Variants in ULK4 observed in about 807,000 individuals in gnomAD.
ULK4 encodes the protein unc-51 like kinase 4, also known as inactive serine/threonine-protein kinase ULK4.
Under a neutral mutation model 160.6 loss-of-function variants are expected in ULK4, and 133 were observed. That is an observed-to-expected ratio of 0.83 (90% CI 0.72 to 0.96). The LOEUF (loss-of-function observed/expected upper bound fraction) is 0.96, where lower values mean the gene tolerates loss of function less well. Ranked by LOEUF, ULK4 falls within the 40% of genes least tolerant of loss-of-function variation. The probability of loss-of-function intolerance (pLI) is 0.00; values close to 1 mark genes in which losing one functional copy is unlikely to be tolerated. For missense variants in ULK4, 1,580 were observed against 1,499.5 expected, an observed-to-expected ratio of 1.05 and a Z score of -0.89; for synonymous variants, 534 against 539.8, an observed-to-expected ratio of 0.99 and a Z score of 0.15.
At chr3:41,452,672 A>G (rs2083448605) in intron 34 of ULK4, among the ~76,000 whole-genome samples, 1 of 152,154 alleles carries the variant, frequency 6.6e-6, no homozygotes, top group South Asian at 2.1e-4. Flanking sequence ...GTCTACAAGC[A>G]TTTTTGTCCA....
chr3:41,354,385 G>C (rs977500142), intron 35 of ULK4, among the ~76,000 whole-genome samples: 3 of 152,132 alleles, frequency 2.0e-5, no homozygotes, highest in Non-Finnish European at 4.4e-5. Context: ...AAGTGTCACT[G>C]CCCATAATTT....
rs776507100 is a variant in ULK4, at chr3:41,912,791, G to T, written c.896+16C>A. 6.2e-7 allele frequency: 1 copy of T among 1,603,330 alleles called. No individual in the cohort carries two copies. The highest frequency in any genetic ancestry group is 8.5e-7 in the Non-Finnish European group (1 of 1,170,192). The stretch of plus-strand genomic sequence containing the variant: ...CCAGTAACTATGTCCCATACACAAA[G>T]GTAAGTGTATACTACCTGAGACTGA... On this transcript the variant is annotated intron_variant, in intron 9 of 36. Transcript: ENST00000301831.
intron 35 of ULK4, among the ~76,000 whole-genome samples, chr3:41,320,655 G>C (rs1239434664): frequency 1.8e-5 from 2 of 111,072 alleles, no homozygotes; most frequent in Non-Finnish European, 3.7e-5. Flanking sequence ...AGCGGCTCAT[G>C]CCTGTAATCC....
Position 41,463,176 on chromosome 3 carries a change from CATT to C in ULK4, c.3301_3303del (p.Asn1101del), listed in dbSNP as rs747072058. 7.1e-5 allele frequency: 115 copies of C among 1,613,626 alleles called. No individual in the cohort carries two copies. Among genetic ancestry groups the C allele is most frequent in the Middle Eastern group, 1.6e-4 (1 of 6,078 alleles). The stretch of plus-strand genomic sequence containing the variant: ...GAAAAGAGCAGTGGAGCTGCCATCT[CATT>C]GTTGTTTTTATTGTCCACATCCAAG... On this transcript the variant is annotated inframe_deletion, in exon 33 of 37. Transcript: ENST00000301831.
chr3:41,902,397 G>A lies in ULK4; in HGVS notation c.1183-1568C>T, dbSNP rs111632900. 2.8e-3 allele frequency among the ~76,000 whole-genome samples: 426 copies of A among 152,132 alleles called. 2 individuals are homozygous for A. Among genetic ancestry groups the A allele is most frequent in the Middle Eastern group, 0.01 (3 of 294 alleles). On this transcript the variant is annotated intron_variant, in intron 12 of 36. Transcript: ENST00000301831. Reference sequence around the variant, plus strand: ...GTTCGAGACCAGCCTGACCAACATGGTGAAACACCATCTCTACTAAAAATA... The same window carrying A: ...GTTCGAGACCAGCCTGACCAACATGATGAAACACCATCTCTACTAAAAATA...
intron 32 of ULK4, among the ~76,000 whole-genome samples, chr3:41,506,769 T>TATATATATAA (rs1559658060): frequency 0.014 from 453 of 31,594 alleles, 61 homozygotes; most frequent in African/African-American, 0.024. Context: ...TGATTTAAAA[T>TATATATATAA]ATATATATAT....
chr3:41,892,629 A>T (rs1698006885), intron 16 of ULK4, among the ~76,000 whole-genome samples: 1 of 152,242 alleles, frequency 6.6e-6, no homozygotes, highest in African/African-American at 2.4e-5. Context: ...ATAAACGTAG[A>T]AATTGACCCT....
rs1466143557 is a variant in ULK4, at chr3:41,912,910, C to T, written c.804-11G>A. ...CTTGTCCAAGTCAATCTTTAAAAAA[C>T]ATAAATGTTAAAACTCTACTTTAAC... On this transcript the variant is annotated splice_polypyrimidine_tract_variant and intron_variant, in intron 8 of 36. Transcript: ENST00000301831. 15 of 1,613,204 alleles carry T rather than the reference C, an allele frequency of 9.3e-6. No individual in the cohort carries two copies. The highest frequency in any genetic ancestry group is 1.7e-5 in the Admixed American group (1 of 59,938).
At chr3:41,335,147 G>A (rs942183330) in intron 35 of ULK4, among the ~76,000 whole-genome samples, 2 of 152,176 alleles carry the variant, frequency 1.3e-5, no homozygotes, top group African/African-American at 2.4e-5. Context: ...AGTGTTCTTT[G>A]CAAGACAAGT....
At chr3:41,304,569 T>C (rs1227201398) in intron 35 of ULK4, among the ~76,000 whole-genome samples, 1 of 152,092 alleles carries the variant, frequency 6.6e-6, no homozygotes, top group Non-Finnish European at 1.5e-5. Flanking sequence ...GCAGAGAAAG[T>C]CTGGGGGCTC....
At chr3:41,699,433 A>T (rs1224932341) in intron 27 of ULK4, among the ~76,000 whole-genome samples, 1 of 152,240 alleles carries the variant, frequency 6.6e-6, no homozygotes, top group Non-Finnish European at 1.5e-5. Context: ...TACTGCAGCC[A>T]GAATTTTCTA....
chr3:41,425,799 A>G (rs1161153825), intron 34 of ULK4, among the ~76,000 whole-genome samples: 1 of 152,198 alleles, frequency 6.6e-6, no homozygotes, highest in African/African-American at 2.4e-5. Flanking sequence ...GGGAAAGGAA[A>G]AACCATTCCC....
chr3:41,886,038 T>C (rs1302131796), intron 16 of ULK4, among the ~76,000 whole-genome samples: 1 of 152,110 alleles, frequency 6.6e-6, no homozygotes, highest in Non-Finnish European at 1.5e-5. Context: ...TACCCTGGGG[T>C]AATTACTCAT....
At chr3:41,660,528 T>A (rs948024713) in intron 30 of ULK4, among the ~76,000 whole-genome samples, 2 of 152,172 alleles carry the variant, frequency 1.3e-5, no homozygotes, top group African/African-American at 4.8e-5. Flanking sequence ...TTCTTAAAAA[T>A]CCATTTAGGG....
intron 25 of ULK4, 149 bp from the exon 26 acceptor site, chr3:41,705,454 G>C: frequency 2.4e-6 from 1 of 414,968 alleles, no homozygotes; most frequent in South Asian, 6.1e-5. Flanking sequence ...TATTATTATA[G>C]TTACAAAAGT....
rs376290937 is a variant in ULK4 at position 41,907,937 on chromosome 3, G to A, written c.1090C>T (p.Arg364Cys). The A allele has an allele frequency of 5.0e-6, 8 of 1,599,082 alleles. No homozygotes were observed. Among genetic ancestry groups the A allele is most frequent in the South Asian group, 1.1e-5 (1 of 88,458 alleles). ...GCAGTGCTAGTTCTGGGAGTAGGAC[G>A]AGAACTGAAAAATACAAACCAGTTA... Reference protein sequence around the residue: ...LNESMFLLSSRPTPRTSTAVE... With the variant: ...LNESMFLLSSCPTPRTSTAVE... The change falls in exon 12 of 37, where the codon CGT (arginine) becomes TGT (cysteine). Residue 364 changes from arginine to cysteine, a missense_variant. Physicochemically the swap from Arg to Cys is radical, Grantham distance 180. Coordinates refer to ENST00000301831, the MANE Select transcript of ULK4 (RefSeq NM_017886.4).
chr3:41,616,440 A>T (rs1208306412), intron 30 of ULK4, among the ~76,000 whole-genome samples: 1 of 152,108 alleles, frequency 6.6e-6, no homozygotes, highest in Non-Finnish European at 1.5e-5. Flanking sequence ...CAACTGAGGT[A>T]CCCAGTTCAT....
chr3:41,695,173 C>A (rs1486565611), intron 27 of ULK4, among the ~76,000 whole-genome samples: 1 of 152,210 alleles, frequency 6.6e-6, no homozygotes, highest in East Asian at 1.9e-4. Flanking sequence ...GAGAGGGGAA[C>A]CCTCATGATC....
At chr3:41,294,841 G>A (rs2079639008) in intron 35 of ULK4, among the ~76,000 whole-genome samples, 1 of 152,162 alleles carries the variant, frequency 6.6e-6, no homozygotes, top group Non-Finnish European at 1.5e-5. Context: ...TCATTGGATA[G>A]GGACACTCAA....
Sources: gnomAD v4.1 joint callset for allele counts (sites outside exome capture counted in the v4.1 genomes callset) on GRCh38, gnomAD v4.1.1 for gene constraint, MANE v1.5 for transcripts, NCBI Gene and HGNC (gene_info 2026-07-23, HGNC 2026-07-21) for gene names.